CDH13: variants seen among roughly 807,000 people sequenced by gnomAD.
CDH13 encodes cadherin-13.
Under a neutral mutation model 63.8 loss-of-function variants are expected in CDH13, and 24 were observed. That is an observed-to-expected ratio of 0.38 (90% CI 0.27 to 0.53). CDH13 has a LOEUF of 0.53. CDH13 is among the 20% of genes least tolerant of loss of function. CDH13 has a pLI of 0.85. For missense variants in CDH13, 1,049 were observed against 903.1 expected (o/e 1.16, Z -2.07); for synonymous variants, 503 against 355.3 (o/e 1.42, Z -4.67).
intron 6 of CDH13, among the ~76,000 whole-genome samples, chr16:83,379,014 C>A (rs1441737481): frequency 6.6e-6 from 1 of 151,534 alleles, no homozygotes; most frequent in East Asian, 1.9e-4. Flanking sequence ...TATACACACA[C>A]ACACACACAC....
intron 2 of CDH13, among the ~76,000 whole-genome samples, chr16:82,994,732 C>G (rs1912020164): frequency 6.6e-6 from 1 of 152,164 alleles, no homozygotes; most frequent in African/African-American, 2.4e-5. Flanking sequence ...ATTCAAGCCC[C>G]AAACAAACAC....
chr16:83,187,749 C>T (rs1031765472), intron 4 of CDH13, among the ~76,000 whole-genome samples: 1 of 152,100 alleles, frequency 6.6e-6, no homozygotes, highest in Non-Finnish European at 1.5e-5. Context: ...TACAGTCCAC[C>T]TGCTAGTAAG....
At chr16:83,511,974 G>A (rs2074576688) in intron 7 of CDH13, among the ~76,000 whole-genome samples, 1 of 152,052 alleles carries the variant, frequency 6.6e-6, no homozygotes, top group African/African-American at 2.4e-5. Context: ...TCCAGCACAT[G>A]GTTAGTCCTC....
intron 10 of CDH13, among the ~76,000 whole-genome samples, chr16:83,736,206 G>T: frequency 6.6e-6 from 1 of 152,150 alleles, no homozygotes; most frequent in Middle Eastern, 3.2e-3. Context: ...TCTTGTGGTT[G>T]CACCTTAAAG....
At chr16:83,634,519 G>C (rs1359258958) in intron 8 of CDH13, among the ~76,000 whole-genome samples, 3 of 151,662 alleles carry the variant, frequency 2.0e-5, no homozygotes, top group African/African-American at 7.3e-5. Context: ...TCCTGCCTCA[G>C]CCTCCTGAAT....
chr16:83,694,971 C>T (rs146001144), intron 10 of CDH13, among the ~76,000 whole-genome samples: 3 of 152,274 alleles, frequency 2.0e-5, no homozygotes, highest in Admixed American at 6.5e-5. Flanking sequence ...TTTAGGAAGG[C>T]TGAGGTGGGC....
chr16:82,965,431 T>G (rs1383626999), intron 2 of CDH13, among the ~76,000 whole-genome samples: 2 of 152,274 alleles, frequency 1.3e-5, no homozygotes, highest in Non-Finnish European at 2.9e-5. Context: ...TGGATGAGAC[T>G]ATCAATGTAC....
At chr16:83,577,870 A>G (rs1378905159) in intron 7 of CDH13, among the ~76,000 whole-genome samples, 1 of 152,210 alleles carries the variant, frequency 6.6e-6, no homozygotes, top group Non-Finnish European at 1.5e-5. Context: ...TAACTACATC[A>G]CCCAGAGATA....
At chr16:82,640,081 A>G (rs1909199451) in intron 1 of CDH13, among the ~76,000 whole-genome samples, 2 of 152,258 alleles carry the variant, frequency 1.3e-5, no homozygotes, top group African/African-American at 4.8e-5. Context: ...TAGCAGAGAA[A>G]GACAGGAAAC....
At chr16:82,715,027 T>G (rs1410474021) in intron 1 of CDH13, among the ~76,000 whole-genome samples, 2 of 144,418 alleles carry the variant, frequency 1.4e-5, no homozygotes, top group African/African-American at 2.5e-5. Context: ...AGTCCCAAAC[T>G]CTTTCCACTA....
intron 4 of CDH13, among the ~76,000 whole-genome samples, chr16:83,191,526 C>CATATATATAT (rs763006044): frequency 9.8e-6 from 1 of 101,688 alleles, no homozygotes; most frequent in East Asian, 3.0e-4. Context: ...CACACACACA[C>CATATATATAT]ACACATATAT....
At chr16:83,756,537 A>G (rs1913520251) in intron 11 of CDH13, among the ~76,000 whole-genome samples, 1 of 152,224 alleles carries the variant, frequency 6.6e-6, no homozygotes, top group African/African-American at 2.4e-5. Context: ...TCTTTAAACA[A>G]CATTATGAAA....
At chr16:82,781,547 A>G (rs1010391377) in intron 1 of CDH13, among the ~76,000 whole-genome samples, 3 of 151,956 alleles carry the variant, frequency 2.0e-5, no homozygotes, top group Non-Finnish European at 4.4e-5. Flanking sequence ...CCACCCAGCT[A>G]TTTATCTATC....
At chr16:82,667,111 T>A (rs1912679927) in intron 1 of CDH13, among the ~76,000 whole-genome samples, 2 of 152,206 alleles carry the variant, frequency 1.3e-5, no homozygotes, top group South Asian at 4.2e-4. Flanking sequence ...CTTCAGAAGT[T>A]ATCTGATGCC....
At chr16:83,150,247 T>G (rs2036919617) in intron 4 of CDH13, among the ~76,000 whole-genome samples, 1 of 152,216 alleles carries the variant, frequency 6.6e-6, no homozygotes, top group South Asian at 2.1e-4. Context: ...TCTAAAATTG[T>G]AAGTCACTTA....
intron 1 of CDH13, among the ~76,000 whole-genome samples, chr16:82,731,079 C>T (rs2033377598): frequency 6.6e-6 from 1 of 152,184 alleles, no homozygotes; most frequent in Non-Finnish European, 1.5e-5. Context: ...AGTGAAGTCA[C>T]ATTGGCAGCT....
chr16:83,648,439 C>G (rs757847288), intron 8 of CDH13, among the ~76,000 whole-genome samples: 3 of 152,198 alleles, frequency 2.0e-5, no homozygotes, highest in Non-Finnish European at 4.4e-5. Context: ...ATCACCGTGA[C>G]TTGCCAGAAT....
chr16:83,048,991 C>A (rs1407954321), intron 3 of CDH13, among the ~76,000 whole-genome samples: 1 of 152,176 alleles, frequency 6.6e-6, no homozygotes, highest in Admixed American at 6.5e-5. Flanking sequence ...AAAATTCTCT[C>A]TTTTGAAGGT....
intron 2 of CDH13, among the ~76,000 whole-genome samples, chr16:82,943,636 G>T (rs867594220): frequency 3.3e-5 from 5 of 152,266 alleles, no homozygotes; most frequent in Middle Eastern, 3.4e-3. Context: ...CCCCTATCAA[G>T]TCAATCAAAT....
Sources: allele counts gnomAD v4.1 joint callset (sites outside exome capture counted in the v4.1 genomes callset), GRCh38; gene constraint gnomAD v4.1.1; transcripts MANE v1.5; gene names NCBI Gene and HGNC (gene_info 2026-07-23, HGNC 2026-07-21).